The following WDR88 variants were observed in gnomAD, a reference collection of about 807,000 sequenced individuals.
WDR88 encodes WD repeat-containing protein 88.
In WDR88, 40 loss-of-function variants were observed where a neutral mutation model predicts 46.8. That is an observed-to-expected ratio of 0.86 (90% CI 0.66 to 1.11). WDR88 has a LOEUF of 1.11. Ranked by LOEUF, WDR88 falls within the 50% of genes most tolerant of loss-of-function variation. The pLI is 0.00. For missense variants in WDR88, 562 were observed against 602.4 expected (o/e 0.93, Z 0.70); for synonymous variants, 235 against 240.7 (o/e 0.98, Z 0.22).
In WDR88 at chr19:33,132,461, G is replaced by A; in HGVS notation, c.276+16G>A. 4 of 1,611,970 alleles carry A rather than the reference G, an allele frequency of 2.5e-6. No homozygotes were observed. Among genetic ancestry groups the A allele is most frequent in the Non-Finnish European group, 3.4e-6 (4 of 1,178,576 alleles). On this transcript the variant is annotated intron_variant, in intron 1 of 10. Transcript: ENST00000355868. ...TCTCTCCAAGGTCAGAACCGCCGCT[G>A]GGGTGAGGGGGCACTGGCCTGTTCC...
chr19:33,162,967 G>T (rs1453716128), intron 8 of WDR88, among the ~76,000 whole-genome samples: 1 of 152,140 alleles, frequency 6.6e-6, no homozygotes, highest in East Asian at 1.9e-4. Context: ...TGAGGCTGAG[G>T]CAGGTGGATC....
intron 1 of WDR88, among the ~76,000 whole-genome samples, chr19:33,134,623 C>G (rs1486281299): frequency 6.6e-6 from 1 of 151,984 alleles, no homozygotes; most frequent in Non-Finnish European, 1.5e-5. Flanking sequence ...GGTCATGTCC[C>G]GGGGACTGGG....
chr19:33,174,092 T>A, intron 10 of WDR88: 1 of 1,413,044 alleles, frequency 7.1e-7, no homozygotes, highest in Non-Finnish European at 9.6e-7. Flanking sequence ...GCTCAAGTGA[T>A]CCGCCCGCCT....
intron 9 of WDR88, 24 bp from the exon 10 acceptor site, chr19:33,172,324 C>T: frequency 6.3e-7 from 1 of 1,590,110 alleles, no homozygotes; most frequent in South Asian, 1.1e-5. Context: ...TGTTTTGTGA[C>T]CGCTGGTTTG....
At chr19:33,171,342 A>G (rs979220919) in intron 9 of WDR88, among the ~76,000 whole-genome samples, 1 of 152,180 alleles carries the variant, frequency 6.6e-6, no homozygotes, top group African/African-American at 2.4e-5. Flanking sequence ...TTTTGTTGTC[A>G]TGATTTGACA....
At chr19:33,134,954 T>C (rs1275782654) in intron 1 of WDR88, among the ~76,000 whole-genome samples, 1 of 140,770 alleles carries the variant, frequency 7.1e-6, no homozygotes, top group African/African-American at 2.6e-5. Context: ...GACACTGCCT[T>C]CCAGGCCACA....
At chr19:33,165,294 T>C (rs1261687091) in intron 9 of WDR88, among the ~76,000 whole-genome samples, 3 of 151,914 alleles carry the variant, frequency 2.0e-5, no homozygotes, top group Admixed American at 6.6e-5. Flanking sequence ...CAGGAGACTG[T>C]GGGAGAGGCG....
intron 6 of WDR88, among the ~76,000 whole-genome samples, chr19:33,153,994 C>T (rs1467694401): frequency 1.3e-5 from 2 of 151,908 alleles, no homozygotes; most frequent in African/African-American, 4.8e-5. Context: ...TATATTTTGC[C>T]AAATTTGGTA....
intron 6 of WDR88, among the ~76,000 whole-genome samples, chr19:33,155,016 C>T (rs1973707242): frequency 6.6e-6 from 1 of 152,078 alleles, no homozygotes; most frequent in African/African-American, 2.4e-5. Context: ...ACTCTGCTTA[C>T]AAGAGGAGGT....
At chr19:33,139,584 C>G (rs1424440455) in intron 2 of WDR88, among the ~76,000 whole-genome samples, 1 of 152,092 alleles carries the variant, frequency 6.6e-6, no homozygotes, top group East Asian at 1.9e-4. Context: ...GCTAGGGGGA[C>G]AGATACTCGC....
Position 33,172,384 on chromosome 19 carries a change from G to T in WDR88, c.1186G>T (p.Asp396Tyr). 6.2e-7 allele frequency: 1 copy of T among 1,614,040 alleles called. No homozygotes were observed. Among genetic ancestry groups the T allele is most frequent in the Non-Finnish European group, 8.5e-7 (1 of 1,179,978 alleles). Reference sequence around the variant, plus strand: ...GAGACTGTGGAATATTGAAGAAATTGATGAAATTCCTTTGGTAATCAAGTA... The same window carrying T: ...GAGACTGTGGAATATTGAAGAAATTTATGAAATTCCTTTGGTAATCAAGTA... ...TMRLWNIEEI[D>Y]EIPLVIKYKK... The change falls in exon 10 of 11, where the codon GAT (aspartate) becomes TAT (tyrosine). Residue 396 changes from aspartate to tyrosine, a missense_variant. Transcript: ENST00000355868.
chr19:33,157,519 A>AC (rs1844682806), intron 7 of WDR88, among the ~76,000 whole-genome samples: 1 of 85,476 alleles, frequency 1.2e-5, no homozygotes, highest in East Asian at 5.9e-4. Flanking sequence ...ATATGTATAT[A>AC]TATGTGTATA....
intron 1 of WDR88, among the ~76,000 whole-genome samples, chr19:33,134,790 G>A (rs1973219520): frequency 6.6e-6 from 1 of 151,364 alleles, no homozygotes; most frequent in Non-Finnish European, 1.5e-5. Context: ...GAGCCCCCTA[G>A]AGGCGGGGTA....
At chr19:33,173,122 GAAGA>G (rs1277035626) in intron 10 of WDR88, among the ~76,000 whole-genome samples, 1 of 133,220 alleles carries the variant, frequency 7.5e-6, no homozygotes, top group Admixed American at 7.6e-5. Context: ...AAAAAAAAGA[GAAGA>G]AAGAACTTCC....
At chr19:33,159,945 C>A (rs1309539081) in intron 7 of WDR88, among the ~76,000 whole-genome samples, 2 of 151,746 alleles carry the variant, frequency 1.3e-5, no homozygotes, top group Non-Finnish European at 2.9e-5. Flanking sequence ...GAGACAGTGA[C>A]AGATCATCAG....
chr19:33,150,841 G>A (rs537208009), intron 5 of WDR88, among the ~76,000 whole-genome samples: 9 of 152,190 alleles, frequency 5.9e-5, no homozygotes, highest in South Asian at 2.1e-4. Context: ...CTGGCTTTTC[G>A]GGCCCTTCCT....
At position 33,145,622 on chromosome 19, in the gene WDR88, C is replaced by T. The variant is rs377401578; in HGVS notation, c.476+690C>T. Reference sequence around the variant, plus strand: ...CGATCTCGGCTCATTGCAACCTCCACCTCCTGGGTTCGAGTGATTCTCCTG... The same window carrying T: ...CGATCTCGGCTCATTGCAACCTCCATCTCCTGGGTTCGAGTGATTCTCCTG... On this transcript the variant is annotated intron_variant, in intron 3 of 10. Coordinates refer to ENST00000355868, the MANE Select transcript of WDR88 (RefSeq NM_173479.4). Among the ~76,000 whole-genome samples the T allele has an allele frequency of 1.6e-4, 25 of 151,582 alleles. No homozygotes were observed. The South Asian group carries it at 2.7e-3, about 16-fold the overall frequency.
chr19:33,135,606 C>T (rs560631259), intron 1 of WDR88, among the ~76,000 whole-genome samples: 93 of 152,162 alleles, frequency 6.1e-4, no homozygotes, highest in Non-Finnish European at 1.1e-3. Context: ...TTAGTAGAGA[C>T]GGGGTTTCAC....
intron 7 of WDR88, among the ~76,000 whole-genome samples, chr19:33,156,944 C>G (rs1021876703): frequency 3.3e-4 from 50 of 152,226 alleles, no homozygotes; most frequent in African/African-American, 1.2e-3. Context: ...GCCTGTAATC[C>G]CAATGCTTTG....
Sources: gnomAD v4.1 joint callset for allele counts (sites outside exome capture counted in the v4.1 genomes callset) on GRCh38, gnomAD v4.1.1 for gene constraint, MANE v1.5 for transcripts, NCBI Gene and HGNC (gene_info 2026-07-23, HGNC 2026-07-21) for gene names.